The following MAGI2 variants were observed in gnomAD, a reference collection of about 807,000 sequenced individuals.
MAGI2 encodes membrane-associated guanylate kinase, WW and PDZ domain-containing protein 2.
A neutral mutation model predicts 133.3 loss-of-function variants in MAGI2; 35 were observed. The ratio of observed to expected loss-of-function variants is 0.26; its 90% CI spans 0.20 to 0.35. MAGI2 has a LOEUF of 0.35. MAGI2 is among the 10% of genes least tolerant of loss of function. The pLI is 1.00. For synonymous variants in MAGI2, 729 were observed against 710.6 expected (o/e 1.03, Z -0.41); for missense variants, 1,636 against 1,863.4 (o/e 0.88, Z 2.25).
Position 78,385,841 on chromosome 7 carries a change from T to G in MAGI2, c.1046-16628A>C, listed in dbSNP as rs557364576. On this transcript the variant is annotated intron_variant, in intron 6 of 21. Coordinates refer to ENST00000354212, the MANE Select transcript of MAGI2 (RefSeq NM_012301.4). ...AATTTTGAATCATATAATACCAGCCTTATAAAAAGCAACAAAGTATCTATT... is the reference window on the plus strand; with the variant it reads ...AATTTTGAATCATATAATACCAGCCGTATAAAAAGCAACAAAGTATCTATT... Among the ~76,000 whole-genome samples, 15 of 152,346 alleles carry G rather than the reference T, an allele frequency of 9.8e-5. No homozygotes were observed. The East Asian group carries it at 2.9e-3, about 29-fold the overall frequency.
intron 3 of MAGI2, among the ~76,000 whole-genome samples, chr7:78,558,687 T>C (rs1282078628): frequency 6.6e-6 from 1 of 151,952 alleles, no homozygotes; most frequent in Non-Finnish European, 1.5e-5. Flanking sequence ...ACCTAAGAGG[T>C]CATATGATAA....
At chr7:78,645,224 A>G (rs992191885) in intron 2 of MAGI2, among the ~76,000 whole-genome samples, 4 of 152,260 alleles carry the variant, frequency 2.6e-5, no homozygotes, top group African/African-American at 9.6e-5. Context: ...ATTCCATGAC[A>G]TATTTAAGAA....
chr7:78,346,851 G>A (rs947072840), intron 7 of MAGI2, among the ~76,000 whole-genome samples: 50 of 152,124 alleles, frequency 3.3e-4, no homozygotes, highest in Non-Finnish European at 1.3e-4. Flanking sequence ...TGAGAGGGCT[G>A]GCATATACAT....
chr7:79,063,187 C>T (rs1813941188), intron 1 of MAGI2, among the ~76,000 whole-genome samples: 1 of 152,074 alleles, frequency 6.6e-6, no homozygotes, highest in Non-Finnish European at 1.5e-5. Flanking sequence ...CCTACTTACT[C>T]ATTGCAATCT....
intron 2 of MAGI2, among the ~76,000 whole-genome samples, chr7:78,752,019 C>A (rs779072423): frequency 6.6e-6 from 1 of 152,188 alleles, no homozygotes; most frequent in Non-Finnish European, 1.5e-5. Context: ...AGAACATATA[C>A]CACAGGGAAA....
chr7:78,636,394 T>G lies in MAGI2; in HGVS notation c.419-9155A>C, dbSNP rs536787745. ...TGAAGAAGAAACCTCACTGAATATCTTGGATATAAAGGTTCAAAATAGTGC... is the reference window on the plus strand; with the variant it reads ...TGAAGAAGAAACCTCACTGAATATCGTGGATATAAAGGTTCAAAATAGTGC... On this transcript the variant is annotated intron_variant, in intron 2 of 21. Coordinates refer to ENST00000354212, the MANE Select transcript of MAGI2 (RefSeq NM_012301.4). 5.3e-5 allele frequency among the ~76,000 whole-genome samples: 8 copies of G among 150,250 alleles called. No individual in the cohort carries two copies. The South Asian group carries it at 1.5e-3, about 28-fold the overall frequency.
At chr7:78,700,371 C>T (rs1817943899) in intron 2 of MAGI2, among the ~76,000 whole-genome samples, 1 of 152,012 alleles carries the variant, frequency 6.6e-6, no homozygotes, top group Non-Finnish European at 1.5e-5. Flanking sequence ...GCTTATTAAT[C>T]AATTCAGATA....
intron 2 of MAGI2, among the ~76,000 whole-genome samples, chr7:78,909,429 T>C (rs895439374): frequency 1.5e-5 from 2 of 132,928 alleles, no homozygotes; most frequent in African/African-American, 2.8e-5. Context: ...CCGTCTCTAC[T>C]AAAAAAAAAA....
At chr7:79,078,408 T>C (rs534334425) in intron 1 of MAGI2, among the ~76,000 whole-genome samples, 78 of 152,174 alleles carry the variant, frequency 5.1e-4, no homozygotes, top group African/African-American at 1.8e-3. Flanking sequence ...TACTCCTCAG[T>C]TAACTGACCC....
chr7:78,838,099 C>G (rs560664571), intron 2 of MAGI2, among the ~76,000 whole-genome samples: 1 of 152,202 alleles, frequency 6.6e-6, no homozygotes, highest in East Asian at 1.9e-4. Flanking sequence ...AAAGCTTGAC[C>G]TTTGAGATAT....
intron 2 of MAGI2, among the ~76,000 whole-genome samples, chr7:78,851,845 TAAACATCC>T (rs1291859746): frequency 1.3e-5 from 2 of 152,308 alleles, no homozygotes; most frequent in South Asian, 2.1e-4. Context: ...AGTGCAGCTA[TAAACATCC>T]TTGCCCATGC....
intron 7 of MAGI2, among the ~76,000 whole-genome samples, chr7:78,367,358 A>G (rs746445464): frequency 2.1e-4 from 32 of 152,224 alleles, no homozygotes; most frequent in Admixed American, 3.9e-4. Context: ...CTGCATTGGA[A>G]GTTAGCTTGA....
intron 1 of MAGI2, among the ~76,000 whole-genome samples, chr7:79,167,874 A>C (rs1207231466): frequency 6.6e-6 from 1 of 152,098 alleles, no homozygotes; most frequent in Admixed American, 6.6e-5. Context: ...CATGACACCC[A>C]TGCTGGAAGG....
intron 9 of MAGI2, among the ~76,000 whole-genome samples, chr7:78,333,545 C>T (rs1413667210): frequency 1.3e-5 from 2 of 152,186 alleles, no homozygotes; most frequent in African/African-American, 4.8e-5. Context: ...GACAGACCAC[C>T]TCAATGATTT....
At chr7:78,481,815 A>G (rs1274918536) in intron 6 of MAGI2, among the ~76,000 whole-genome samples, 2 of 152,034 alleles carry the variant, frequency 1.3e-5, no homozygotes, top group East Asian at 1.9e-4. Flanking sequence ...CAATATTTAG[A>G]AAAAACATGA....
At chr7:78,173,215 C>A (rs1455509747) in intron 14 of MAGI2, among the ~76,000 whole-genome samples, 1 of 152,206 alleles carries the variant, frequency 6.6e-6, no homozygotes, top group African/African-American at 2.4e-5. Context: ...ACAAACCAGG[C>A]AGAAAGATGT....
chr7:78,740,864 AATT>A (rs1350180745), intron 2 of MAGI2, among the ~76,000 whole-genome samples: 1 of 152,206 alleles, frequency 6.6e-6, no homozygotes, highest in Non-Finnish European at 1.5e-5. Context: ...TTAGTCACAT[AATT>A]ATTATAATAT....
At chr7:79,077,584 A>AT (rs1164128715) in intron 1 of MAGI2, among the ~76,000 whole-genome samples, 1 of 134,960 alleles carries the variant, frequency 7.4e-6, no homozygotes, top group South Asian at 2.4e-4. Flanking sequence ...CAAAAAAAAA[A>AT]AAAAAAAAAA....
chr7:78,890,844 A>G (rs1563630496), intron 2 of MAGI2, among the ~76,000 whole-genome samples: 1 of 152,144 alleles, frequency 6.6e-6, no homozygotes, highest in East Asian at 1.9e-4. Flanking sequence ...AAACACATTC[A>G]AAAGCTAGCA....
Sources: gnomAD v4.1 joint callset for allele counts (sites outside exome capture counted in the v4.1 genomes callset) on GRCh38, gnomAD v4.1.1 for gene constraint, MANE v1.5 for transcripts, NCBI Gene and HGNC (gene_info 2026-07-23, HGNC 2026-07-21) for gene names.